Variants in TPRG1 observed in about 807,000 individuals in gnomAD.
TPRG1 encodes tumor protein p63 regulated 1, also known as tumor protein p63-regulated gene 1 protein.
Under a neutral mutation model 29.3 loss-of-function variants are expected in TPRG1, and 29 were observed. That is an observed-to-expected ratio of 0.99 (90% CI 0.74 to 1.35). The LOEUF (loss-of-function observed/expected upper bound fraction) is 1.35. Among genes scored for constraint, TPRG1 ranks in the 40% most tolerant of loss-of-function variants. The pLI is 0.00. For synonymous variants in TPRG1, 130 were observed against 116.8 expected (o/e 1.11, Z -0.73); for missense variants, 327 against 335.0 (o/e 0.98, Z 0.19).
Position 189,238,771 on chromosome 3 carries a change from T to C in TPRG1, c.341T>C (p.Leu114Pro), listed in dbSNP as rs1373014883. Residue 114 changes from leucine to proline, a missense_variant, in exon 4 of 6, where the codon CTG (leucine) becomes CCG (proline). By Grantham distance (98) the Leu-to-Pro change is moderately conservative (BLOSUM62 -3). Transcript: ENST00000345063. ...AACAATGAGAAGGAGAGAATTCTAC[T>C]GGTCACAGACAAGACTCTCTTGATC... ...HWNNEKERIL[L>P]VTDKTLLICK... is the part of the protein sequence containing the mutation. The C allele has an allele frequency of 8.1e-6, 13 of 1,613,476 alleles. No homozygotes were observed. Among genetic ancestry groups the C allele is most frequent in the Non-Finnish European group, 1.1e-5 (13 of 1,179,544 alleles).
chr3:189,317,181 A>C (rs1435864510), intron 5 of TPRG1, among the ~76,000 whole-genome samples: 2 of 152,174 alleles, frequency 1.3e-5, no homozygotes, highest in Non-Finnish European at 2.9e-5. Context: ...AGATTTACTG[A>C]TCTATGAAAA....
In TPRG1 at chr3:189,242,083, C is replaced by T. The variant is rs186491329; in HGVS notation, c.479+3174C>T. On this transcript the variant is annotated intron_variant, in intron 4 of 5. Coordinates refer to ENST00000345063, the MANE Select transcript of TPRG1 (RefSeq NM_198485.4). The stretch of plus-strand genomic sequence containing the variant: ...AGTAATTTTATTTTACTGTTAACAA[C>T]GAACTTATATTTCATCTAAAATTTG... Among the ~76,000 whole-genome samples, 87 of 152,106 alleles carry T rather than the reference C, an allele frequency of 5.7e-4. 1 individual carries two copies. The highest frequency in any genetic ancestry group is 6.5e-4 in the Non-Finnish European group (44 of 67,984).
In TPRG1 at chr3:189,212,925, C is replaced by T. The variant is rs147609504; in HGVS notation, c.211-2367C>T. ...AACACATATGTTTTCAAAATTCCCC[C>T]AGTAGGTTTGCTTTGACTAAAACTA... On this transcript the variant is annotated intron_variant, in intron 2 of 5. Transcript: ENST00000345063. Among the ~76,000 whole-genome samples the T allele has an allele frequency of 3.9e-5, 6 of 152,296 alleles. No individual in the cohort carries two copies. The East Asian group carries it at 1.2e-3, about 29-fold the overall frequency.
chr3:189,215,281 T>C lies in TPRG1; in HGVS notation c.211-11T>C, dbSNP rs1296027010. On this transcript the variant is annotated splice_polypyrimidine_tract_variant and intron_variant, in intron 2 of 5. Transcript: ENST00000345063. ...CTGCTCTAAACTAGGTATTTTCTCCTTTCCACACAGCCGGGGGCCATTGAG... is the reference window on the plus strand; with the variant it reads ...CTGCTCTAAACTAGGTATTTTCTCCCTTCCACACAGCCGGGGGCCATTGAG... The C allele has an allele frequency of 2.7e-5, 44 of 1,607,184 alleles. No individual in the cohort carries two copies. The highest frequency in any genetic ancestry group is 3.7e-5 in the Non-Finnish European group (44 of 1,177,596).
At position 189,207,565 on chromosome 3, in the gene TPRG1, T is replaced by C; in HGVS notation, c.181T>C (p.Tyr61His). The C allele has an allele frequency of 1.9e-6, 3 of 1,614,044 alleles. No homozygotes were observed. Among genetic ancestry groups the C allele is most frequent in the Non-Finnish European group, 2.5e-6 (3 of 1,179,930 alleles). ...TTACCCCAATCCTTATCATCAGCCT[T>C]ATATCTCACGGAAGTACTTTGCTAC... ...TLYPNPYHQP[Y>H]ISRKYFATRP... The change falls in exon 2 of 6, where the codon TAT becomes CAT. Residue 61 changes from tyrosine to histidine, a missense_variant. Transcript: ENST00000345063.
intron 2 of TPRG1, among the ~76,000 whole-genome samples, chr3:189,130,457 G>T (rs2108530562): frequency 6.6e-6 from 1 of 152,286 alleles, no homozygotes; most frequent in South Asian, 2.1e-4. Context: ...GACCTTACAG[G>T]TATAATCTCA....
intron 1 of TPRG1, among the ~76,000 whole-genome samples, chr3:189,198,564 A>G (rs571201925): frequency 2.0e-5 from 3 of 152,356 alleles, no homozygotes; most frequent in Non-Finnish European, 2.9e-5. Flanking sequence ...GCGCACAGAT[A>G]AAACAAATTA....
intron 4 of TPRG1, chr3:189,024,038 G>T (rs1713519266): frequency 6.6e-6 from 1 of 152,464 alleles, no homozygotes. Context: ...GCTGTGTTGG[G>T]GGATCCCTTC....
chr3:189,133,988 T>A (rs539647569), intron 3 of TPRG1, among the ~76,000 whole-genome samples: 1 of 152,310 alleles, frequency 6.6e-6, no homozygotes, highest in East Asian at 1.9e-4. Flanking sequence ...AGGCAAATAG[T>A]GTTATCTGGA....
chr3:189,018,058 C>T (rs1713051846), intron 3 of TPRG1, among the ~76,000 whole-genome samples: 3 of 152,046 alleles, frequency 2.0e-5, no homozygotes, highest in Admixed American at 2.0e-4. Context: ...ATGTCCTTTG[C>T]CCACTTTTTG....
At chr3:189,271,398 G>GTCT (rs1237546143) in intron 4 of TPRG1, among the ~76,000 whole-genome samples, 2 of 152,200 alleles carry the variant, frequency 1.3e-5, no homozygotes, top group Non-Finnish European at 2.9e-5. Flanking sequence ...TGTTTGCAGA[G>GTCT]TCTTGCATAT....
rs796088317 is a variant in TPRG1, at chr3:189,107,935, A to G, written c.-744+7731A>G. Among the ~76,000 whole-genome samples the G allele has an allele frequency of 5.3e-5, 8 of 152,238 alleles. 1 individual carries two copies. The highest frequency in any genetic ancestry group is 1.9e-4 in the African/African-American group (8 of 41,550). ...CTTCCTTGAAAAAAAATTGCATAGA[A>G]TCATAAGGTTGTATCGTAACAAGAG... On this transcript the variant is annotated intron_variant, in intron 1 of 6. Transcript: ENST00000412373.
intron 4 of TPRG1, among the ~76,000 whole-genome samples, chr3:189,309,628 T>C (rs534463834): frequency 2.6e-5 from 4 of 152,278 alleles, no homozygotes; most frequent in South Asian, 4.1e-4. Context: ...TTATTCAATG[T>C]GGCCACACTC....
At chr3:189,176,355 G>A (rs1451643263) in intron 1 of TPRG1, among the ~76,000 whole-genome samples, 2 of 152,118 alleles carry the variant, frequency 1.3e-5, no homozygotes, top group African/African-American at 2.4e-5. Context: ...CTATTCAAGT[G>A]TCATTCATTG....
intron 4 of TPRG1, among the ~76,000 whole-genome samples, chr3:189,280,605 T>C (rs1457936136): frequency 2.0e-5 from 3 of 152,090 alleles, no homozygotes; most frequent in Non-Finnish European, 4.4e-5. Flanking sequence ...CCTATGCACA[T>C]GGAGGCCAAC....
At chr3:189,070,482 A>G (rs1179222168) in intron 4 of TPRG1, among the ~76,000 whole-genome samples, 2 of 152,234 alleles carry the variant, frequency 1.3e-5, no homozygotes, top group Non-Finnish European at 2.9e-5. Context: ...GCCAGTTCGT[A>G]TCAATGTCAA....
chr3:189,053,634 A>C (rs1715472552), intron 4 of TPRG1, among the ~76,000 whole-genome samples: 1 of 152,032 alleles, frequency 6.6e-6, no homozygotes, highest in South Asian at 2.1e-4. Context: ...ATAAACCCCT[A>C]ATTTTAGTCT....
chr3:189,150,876 G>A (rs1234472492), intron 5 of TPRG1: 1 of 152,166 alleles, frequency 6.6e-6, no homozygotes, highest in Non-Finnish European at 1.5e-5. Flanking sequence ...AAGCCAGGTG[G>A]GATGATGTTA....
intron 4 of TPRG1, among the ~76,000 whole-genome samples, chr3:189,060,023 T>C (rs529642270): frequency 6.6e-6 from 1 of 152,278 alleles, no homozygotes; most frequent in South Asian, 2.1e-4. Flanking sequence ...ACCTGAGGTC[T>C]GGAGTTTGAG....
Sources: allele counts gnomAD v4.1 joint callset (sites outside exome capture counted in the v4.1 genomes callset), GRCh38; gene constraint gnomAD v4.1.1; transcripts MANE v1.5; gene names NCBI Gene and HGNC (gene_info 2026-07-23, HGNC 2026-07-21).